PKP4: variants seen among roughly 807,000 people sequenced by gnomAD.
The protein encoded by PKP4 is plakophilin-4.
A neutral mutation model predicts 145.1 loss-of-function variants in PKP4; 90 were observed. The ratio of observed to expected loss-of-function variants is 0.62; its 90% CI spans 0.52 to 0.74. PKP4 has a LOEUF of 0.74. PKP4 is among the 30% of genes least tolerant of loss of function. PKP4 has a pLI of 0.00. For synonymous variants in PKP4, 563 were observed against 577.2 expected, an observed-to-expected ratio of 0.98 and a Z score of 0.35; for missense variants, 1,340 against 1,482.7, an observed-to-expected ratio of 0.90 and a Z score of 1.58.
intron 1 of PKP4, among the ~76,000 whole-genome samples, chr2:158,508,699 A>G (rs1323992412): frequency 1.3e-5 from 2 of 152,206 alleles, no homozygotes; most frequent in Admixed American, 1.3e-4. Flanking sequence ...CTGATGTTCA[A>G]AATTACATAT....
chr2:158,561,125 A>C (rs1379465325), intron 2 of PKP4, among the ~76,000 whole-genome samples: 1 of 152,242 alleles, frequency 6.6e-6, no homozygotes, highest in African/African-American at 2.4e-5. Context: ...ATCAAATTTC[A>C]GTTTCCATAT....
intron 1 of PKP4, among the ~76,000 whole-genome samples, chr2:158,472,869 T>G (rs764346842): frequency 6.6e-6 from 1 of 152,056 alleles, no homozygotes; most frequent in Non-Finnish European, 1.5e-5. Flanking sequence ...TACAACAGAG[T>G]AATGGGACAA....
intron 11 of PKP4, among the ~76,000 whole-genome samples, chr2:158,648,404 G>C (rs1050371790): frequency 6.6e-6 from 1 of 152,156 alleles, no homozygotes; most frequent in Non-Finnish European, 1.5e-5. Flanking sequence ...GTTTAACAAA[G>C]GGCAGAACAG....
chr2:158,565,029 G>C (rs2046856428), intron 2 of PKP4, among the ~76,000 whole-genome samples: 2 of 152,164 alleles, frequency 1.3e-5, no homozygotes, highest in Non-Finnish European at 2.9e-5. Flanking sequence ...AATGGAAAGA[G>C]CAAGAATTTA....
At chr2:158,570,573 T>C (rs909485688) in intron 2 of PKP4, among the ~76,000 whole-genome samples, 2 of 152,238 alleles carry the variant, frequency 1.3e-5, no homozygotes, top group African/African-American at 4.8e-5. Context: ...CCAGTAATTC[T>C]ATCACATAAG....
At chr2:158,465,688 T>G (rs1482676293) in intron 1 of PKP4, among the ~76,000 whole-genome samples, 1 of 152,212 alleles carries the variant, frequency 6.6e-6, no homozygotes, top group African/African-American at 2.4e-5. Flanking sequence ...TGATGTATGC[T>G]AGAATAAATG....
At chr2:158,519,641 T>C (rs1432652170) in intron 1 of PKP4, among the ~76,000 whole-genome samples, 2 of 152,224 alleles carry the variant, frequency 1.3e-5, no homozygotes, top group Non-Finnish European at 2.9e-5. Context: ...TCTGGTTGCC[T>C]TACCAAAGGT....
At chr2:158,496,273 G>T (rs183651519) in intron 1 of PKP4, among the ~76,000 whole-genome samples, 6 of 152,082 alleles carry the variant, frequency 3.9e-5, no homozygotes, top group African/African-American at 7.2e-5. Context: ...GAGCCACTGC[G>T]CCTGGCCCAA....
rs1291464533 is a variant in PKP4 at position 158,658,273 on chromosome 2, T to G, written c.2052T>G (p.Phe684Leu). The G allele has an allele frequency of 6.2e-7, 1 of 1,607,986 alleles. No homozygotes were observed. The highest frequency in any genetic ancestry group is 8.5e-7 in the Non-Finnish European group (1 of 1,175,692). ...SSFDDDHKIK[F>L]QTSLVLRNTT... ...TTGATGATGATCATAAAATTAAATTTCAGACTTCACTAGTTCTGCGTAACA... is the reference window on the plus strand; with the variant it reads ...TTGATGATGATCATAAAATTAAATTGCAGACTTCACTAGTTCTGCGTAACA... Residue 684 changes from phenylalanine to leucine, a missense_variant, in exon 12 of 22, where the codon TTT (phenylalanine) becomes TTG (leucine). Phe to Leu is a conservative substitution (Grantham distance 22). Coordinates refer to ENST00000389759, the MANE Select transcript of PKP4 (RefSeq NM_003628.6).
chr2:158,532,737 A>G (rs1559285028), intron 1 of PKP4, among the ~76,000 whole-genome samples: 1 of 152,266 alleles, frequency 6.6e-6, no homozygotes, highest in Non-Finnish European at 1.5e-5. Flanking sequence ...TTCTAAAGAA[A>G]CCAAGCTAGC....
chr2:158,630,926 T>TTTTGTTTGTTTGTTTGTTTG (rs145862519), intron 7 of PKP4, among the ~76,000 whole-genome samples: 40 of 151,232 alleles, frequency 2.6e-4, no homozygotes, highest in Admixed American at 5.9e-4. Flanking sequence ...GAGAAAGTGT[T>TTTTGTTTGTTTGTTTGTTTG]TTTGTTTGTT....
chr2:158,518,014 G>T (rs954915765), intron 1 of PKP4, among the ~76,000 whole-genome samples: 1 of 152,134 alleles, frequency 6.6e-6, no homozygotes, highest in African/African-American at 2.4e-5. Flanking sequence ...CATCTATCTT[G>T]ATGGTTATTT....
chr2:158,556,995 G>T (rs1296772361), intron 2 of PKP4, among the ~76,000 whole-genome samples: 1 of 152,008 alleles, frequency 6.6e-6, no homozygotes, highest in Non-Finnish European at 1.5e-5. Context: ...GTGATAAAGA[G>T]CATCAACTCT....
chr2:158,530,283 A>G (rs1047808211), intron 1 of PKP4, among the ~76,000 whole-genome samples: 3 of 152,118 alleles, frequency 2.0e-5, no homozygotes, highest in Non-Finnish European at 4.4e-5. Context: ...TGAAGAGTCT[A>G]CCTTCCCTTT....
At chr2:158,501,593 G>T (rs1696573086) in intron 1 of PKP4, among the ~76,000 whole-genome samples, 1 of 148,388 alleles carries the variant, frequency 6.7e-6, no homozygotes, top group African/African-American at 2.4e-5. Context: ...AGTGAATGTG[G>T]CTGTAGTGCC....
intron 2 of PKP4, among the ~76,000 whole-genome samples, chr2:158,560,265 T>G (rs534142315): frequency 1.2e-4 from 18 of 152,304 alleles, no homozygotes; most frequent in Admixed American, 4.6e-4. Context: ...GTAAATTTCT[T>G]GCTTTGAAAT....
chr2:158,521,642 A>T lies in PKP4; in HGVS notation c.-5-11538A>T, dbSNP rs76964819. On this transcript the variant is annotated intron_variant, in intron 1 of 21. Coordinates refer to ENST00000389759, the MANE Select transcript of PKP4 (RefSeq NM_003628.6). Reference sequence around the variant, plus strand: ...GTTTCTATTTCTAGGATATTTTAAAAATATAACTGCAAAAAGTTTATCTGA... The same window carrying T: ...GTTTCTATTTCTAGGATATTTTAAATATATAACTGCAAAAAGTTTATCTGA... Among the ~76,000 whole-genome samples, 162 of 152,272 alleles carry T rather than the reference A, an allele frequency of 1.1e-3. 1 individual carries two copies. The highest frequency in any genetic ancestry group is 3.2e-3 in the African/African-American group (134 of 41,554).
intron 3 of PKP4, 46 bp downstream of exon 3, chr2:158,577,429 C>A (rs374589716): frequency 8.4e-7 from 1 of 1,197,484 alleles, no homozygotes; most frequent in Non-Finnish European, 1.2e-6. Flanking sequence ...AAGTTACATG[C>A]CTTACTAGGT....
chr2:158,617,921 G>A (rs1044865505), intron 4 of PKP4, among the ~76,000 whole-genome samples: 5 of 152,162 alleles, frequency 3.3e-5, no homozygotes, highest in African/African-American at 7.2e-5. Context: ...AATGGCTCAC[G>A]CCTGTAATCC....
Sources: gnomAD v4.1 joint callset for allele counts (sites outside exome capture counted in the v4.1 genomes callset) on GRCh38, gnomAD v4.1.1 for gene constraint, MANE v1.5 for transcripts, NCBI Gene and HGNC (gene_info 2026-07-23, HGNC 2026-07-21) for gene names.